Variants in SNX24 observed in about 807,000 individuals in gnomAD.
The protein encoded by SNX24 is sorting nexin-24.
In SNX24, 22 loss-of-function variants were observed where a neutral mutation model predicts 28.7. The observed-to-expected ratio is 0.77, with a 90% CI of 0.55 to 1.10. The LOEUF (loss-of-function observed/expected upper bound fraction) is 1.10, where lower values mean the gene tolerates loss of function less well. SNX24 is among the 50% of genes least tolerant of loss of function. The probability of loss-of-function intolerance (pLI) is 0.00; values close to 1 mark genes in which losing one functional copy is unlikely to be tolerated. For missense variants in SNX24, 221 were observed against 201.1 expected, an observed-to-expected ratio of 1.10 and a Z score of -0.60; for synonymous variants, 69 against 71.5, an observed-to-expected ratio of 0.96 and a Z score of 0.18.
At chr5:122,858,217 T>C (rs1033177787) in intron 1 of SNX24, among the ~76,000 whole-genome samples, 3 of 152,218 alleles carry the variant, frequency 2.0e-5, no homozygotes, top group Non-Finnish European at 4.4e-5. Context: ...GTAAGATCAC[T>C]GATCACAGAT....
intron 1 of SNX24, among the ~76,000 whole-genome samples, chr5:122,933,319 G>T (rs1334439172): frequency 6.6e-6 from 1 of 152,148 alleles, no homozygotes; most frequent in African/African-American, 2.4e-5. Flanking sequence ...TCACTCCTTG[G>T]GTAGTTTACC....
chr5:122,875,951 A>G (rs920437971), intron 1 of SNX24, among the ~76,000 whole-genome samples: 2 of 152,168 alleles, frequency 1.3e-5, no homozygotes, highest in African/African-American at 2.4e-5. Context: ...GCGGGCGCCT[A>G]TAATTCCAGC....
At chr5:122,846,033 A>C (rs1023012863) in intron 1 of SNX24, among the ~76,000 whole-genome samples, 3 of 151,962 alleles carry the variant, frequency 2.0e-5, no homozygotes, top group African/African-American at 7.2e-5. Context: ...CTGCCCCCTC[A>C]GTCCAGACAG....
chr5:122,969,605 T>C (rs1412864668), intron 3 of SNX24, among the ~76,000 whole-genome samples: 1 of 152,130 alleles, frequency 6.6e-6, no homozygotes, highest in Non-Finnish European at 1.5e-5. Flanking sequence ...CACAAATAAA[T>C]TGACATTTCT....
chr5:122,936,853 G>A, intron 2 of SNX24, 36 bp downstream of exon 2: 2 of 1,307,218 alleles, frequency 1.5e-6, no homozygotes, highest in Non-Finnish European at 2.2e-6. Flanking sequence ...TTTTCTCTAT[G>A]TGGCAGATGG....
intron 1 of SNX24, among the ~76,000 whole-genome samples, chr5:122,919,780 C>T (rs1295691417): frequency 6.6e-6 from 1 of 152,164 alleles, no homozygotes; most frequent in Non-Finnish European, 1.5e-5. Context: ...CCTGCTGATA[C>T]ACTAGCTCCC....
rs1346780536 is a variant in SNX24, at chr5:122,932,832, C to T, written c.61-3902C>T. Among the ~76,000 whole-genome samples the T allele has an allele frequency of 4.2e-5, 6 of 142,828 alleles. No individual in the cohort carries two copies. In the South Asian group the frequency reaches 6.8e-4, roughly 16 times the overall value. 93.7% of individuals were successfully genotyped at this position (142,828 alleles called of 152,430 possible). On this transcript the variant is annotated intron_variant, in intron 1 of 6. Coordinates refer to ENST00000261369, the MANE Select transcript of SNX24 (RefSeq NM_014035.4). ...CAAGATTGCACCACTGCGCTCCAGC[C>T]GGGGCGACAGAGCAAGACTCTGTCT...
chr5:123,028,503 A>G, intron 5 of SNX24: 1 of 347,458 alleles, frequency 2.9e-6, no homozygotes, highest in Non-Finnish European at 5.1e-6. Context: ...ACTGACTAGT[A>G]GTCTGGTATT....
chr5:122,874,666 C>A (rs1184866357), intron 1 of SNX24, among the ~76,000 whole-genome samples: 1 of 152,196 alleles, frequency 6.6e-6, no homozygotes, highest in Admixed American at 6.5e-5. Context: ...GTTTATTCTG[C>A]AACTTGACCT....
At chr5:122,901,898 G>T (rs933120761) in intron 1 of SNX24, among the ~76,000 whole-genome samples, 5 of 151,964 alleles carry the variant, frequency 3.3e-5, no homozygotes, top group Non-Finnish European at 7.4e-5. Flanking sequence ...CCTAATTTTG[G>T]GATATCCCAA....
At chr5:122,996,505 G>A (rs1422452617) in intron 3 of SNX24, among the ~76,000 whole-genome samples, 1 of 152,154 alleles carries the variant, frequency 6.6e-6, no homozygotes, top group Non-Finnish European at 1.5e-5. Context: ...AATATAGAGG[G>A]CCAAGAAGCT....
intron 3 of SNX24, among the ~76,000 whole-genome samples, chr5:122,987,333 A>G (rs1281720680): frequency 6.6e-6 from 1 of 152,202 alleles, no homozygotes; most frequent in Non-Finnish European, 1.5e-5. Context: ...GCCCCACCCA[A>G]GACCAGCTAG....
intron 6 of SNX24, among the ~76,000 whole-genome samples, chr5:123,003,170 A>G (rs1762306349): frequency 6.6e-6 from 1 of 152,118 alleles, no homozygotes; most frequent in Non-Finnish European, 1.5e-5. Context: ...CACATCACCC[A>G]CTTAGCTGTC....
At chr5:122,848,378 G>A (rs1477833037) in intron 1 of SNX24, among the ~76,000 whole-genome samples, 1 of 151,998 alleles carries the variant, frequency 6.6e-6, no homozygotes, top group Non-Finnish European at 1.5e-5. Context: ...TTATAGGCGC[G>A]GGCCACTGAG....
At position 122,845,614 on chromosome 5, in the gene SNX24, G is replaced by C; in HGVS notation, c.-20G>C. The C allele has an allele frequency of 1.5e-6, 2 of 1,374,388 alleles. No individual in the cohort carries two copies. The highest frequency in any genetic ancestry group is 1.9e-6 in the Non-Finnish European group (2 of 1,055,436). 85.1% of individuals were successfully genotyped at this position (1,374,388 alleles called of 1,614,324 possible). Reference sequence around the variant, plus strand: ...TGAGCCTGCCCCCAACTCGCCCTCAGCCGGCTGGCCGGCGCGGCCATGGAG... The same window carrying C: ...TGAGCCTGCCCCCAACTCGCCCTCACCCGGCTGGCCGGCGCGGCCATGGAG... On this transcript the variant is annotated 5_prime_UTR_variant, in exon 1 of 7. Coordinates refer to ENST00000261369, the MANE Select transcript of SNX24 (RefSeq NM_014035.4).
At chr5:122,980,599 A>C (rs936702916) in intron 3 of SNX24, among the ~76,000 whole-genome samples, 12 of 151,682 alleles carry the variant, frequency 7.9e-5, no homozygotes, top group Non-Finnish European at 2.9e-5. Flanking sequence ...CAAGGTTTTC[A>C]CATAAGAGAC....
chr5:122,849,864 T>C (rs913306487), intron 1 of SNX24, among the ~76,000 whole-genome samples: 1 of 152,184 alleles, frequency 6.6e-6, no homozygotes, highest in Admixed American at 6.5e-5. Context: ...TAATGAGTGA[T>C]GTAATCTTCA....
intron 1 of SNX24, among the ~76,000 whole-genome samples, chr5:122,885,391 G>C (rs1201793505): frequency 1.3e-5 from 2 of 152,048 alleles, no homozygotes; most frequent in Non-Finnish European, 1.5e-5. Context: ...TGTGTTCCAC[G>C]GTCTTCCATC....
chr5:122,984,716 G>T (rs934916688), intron 3 of SNX24, among the ~76,000 whole-genome samples: 21 of 152,200 alleles, frequency 1.4e-4, no homozygotes, highest in African/African-American at 4.1e-4. Context: ...ACTCAAGACA[G>T]ATTGCTTTAG....
Sources: allele counts gnomAD v4.1 joint callset (sites outside exome capture counted in the v4.1 genomes callset), GRCh38; gene constraint gnomAD v4.1.1; transcripts MANE v1.5; gene names NCBI Gene and HGNC (gene_info 2026-07-23, HGNC 2026-07-21).